Variants in NEK1 observed in about 807,000 individuals in gnomAD.
NEK1 encodes serine/threonine-protein kinase Nek1.
NEK1 carries 137 observed loss-of-function variants against 182.1 expected under a neutral mutation model. The observed-to-expected ratio is 0.75, with a 90% CI of 0.65 to 0.87. The LOEUF is 0.87. Ranked by LOEUF, NEK1 falls within the 40% of genes least tolerant of loss-of-function variation. NEK1 has a pLI of 0.00. For synonymous variants in NEK1, 513 were observed against 492.2 expected, an observed-to-expected ratio of 1.04 and a Z score of -0.56; for missense variants, 1,391 against 1,494.4, an observed-to-expected ratio of 0.93 and a Z score of 1.14.
rs1733696411 is a variant in NEK1 at position 169,393,274 on chromosome 4, T to C, written c.*1236A>G. 6.6e-6 allele frequency: 1 copy of C among 152,058 alleles called. No homozygotes were observed. The highest frequency in any genetic ancestry group is 2.1e-4 in the South Asian group (1 of 4,816). The allele number at this position is 152,058 out of a possible 1,614,324, so 9.4% of individuals were successfully genotyped here. Reference sequence around the variant, plus strand: ...ATAAATAAAAGACAATTGATATACTTCAGGTAGATAATAAAAATTTAATAG... The same window carrying C: ...ATAAATAAAAGACAATTGATATACTCCAGGTAGATAATAAAAATTTAATAG... On this transcript the variant is annotated 3_prime_UTR_variant, in exon 36 of 36. Coordinates refer to ENST00000507142, the MANE Select transcript of NEK1 (RefSeq NM_001199397.3).
intron 18 of NEK1, among the ~76,000 whole-genome samples, chr4:169,549,021 A>G (rs1760995696): frequency 6.6e-6 from 1 of 152,148 alleles, no homozygotes; most frequent in Non-Finnish European, 1.5e-5. Flanking sequence ...GGGTATGAAA[A>G]AAAACTCCTT....
intron 23 of NEK1, among the ~76,000 whole-genome samples, chr4:169,496,934 GGATT>G (rs1215068094): frequency 6.6e-6 from 1 of 152,180 alleles, no homozygotes; most frequent in African/African-American, 2.4e-5. Context: ...GCGTTAGGGA[GGATT>G]CCCTCTTTTT....
chr4:169,449,490 T>C (rs150813435), intron 27 of NEK1, among the ~76,000 whole-genome samples: 1,721 of 152,288 alleles, frequency 0.011, 35 homozygotes, highest in African/African-American at 0.038. Flanking sequence ...TTTGCTGTTC[T>C]TCAATATTTG....
At chr4:169,416,410 C>T (rs1370824338) in intron 31 of NEK1, among the ~76,000 whole-genome samples, 1 of 152,198 alleles carries the variant, frequency 6.6e-6, no homozygotes, top group Non-Finnish European at 1.5e-5. Context: ...ATAAGATTTA[C>T]AACAGCATCC....
At chr4:169,497,483 T>C (rs1228781928) in intron 23 of NEK1, among the ~76,000 whole-genome samples, 2 of 152,200 alleles carry the variant, frequency 1.3e-5, no homozygotes, top group African/African-American at 4.8e-5. Flanking sequence ...TCTAGTTCTT[T>C]TAATTGTGAT....
chr4:169,556,596 A>C (rs1490196833), intron 16 of NEK1, among the ~76,000 whole-genome samples: 1 of 152,210 alleles, frequency 6.6e-6, no homozygotes, highest in Non-Finnish European at 1.5e-5. Flanking sequence ...TATATAAAAG[A>C]GGCAAAAAGT....
rs377060921 is a variant in NEK1, at chr4:169,437,717, C to A, written c.2764+366G>T. Among the ~76,000 whole-genome samples, 12 of 152,296 alleles carry A rather than the reference C, an allele frequency of 7.9e-5. 1 individual carries two copies. Among genetic ancestry groups the A allele is most frequent in the African/African-American group, 2.9e-4 (12 of 41,572 alleles). On this transcript the variant is annotated intron_variant, in intron 28 of 35. Transcript: ENST00000507142. The stretch of plus-strand genomic sequence containing the variant: ...GGGAGAGGGGCCCAGCTAAGCTGTA[C>A]TTGCCAAGATAGCAGTGAAGCTTTT...
chr4:169,562,520 T>A (rs887854254), intron 12 of NEK1, among the ~76,000 whole-genome samples: 8 of 151,986 alleles, frequency 5.3e-5, no homozygotes, highest in South Asian at 2.1e-4. Flanking sequence ...ATAATTTTTT[T>A]AAAAAAATTA....
chr4:169,485,235 C>T (rs1350348651), intron 23 of NEK1, among the ~76,000 whole-genome samples: 3 of 152,142 alleles, frequency 2.0e-5, no homozygotes, highest in African/African-American at 7.2e-5. Flanking sequence ...AGAACCTAAA[C>T]AGACAAATTC....
chr4:169,470,485 T>A (rs527793336), intron 26 of NEK1, among the ~76,000 whole-genome samples: 13 of 152,354 alleles, frequency 8.5e-5, no homozygotes, highest in Non-Finnish European at 1.8e-4. Context: ...TGCAGAGAGA[T>A]CTGCTGTTAG....
chr4:169,522,732 G>T (rs1269196295), intron 19 of NEK1, among the ~76,000 whole-genome samples: 1 of 152,210 alleles, frequency 6.6e-6, no homozygotes, highest in Non-Finnish European at 1.5e-5. Context: ...GAGTGGGGCA[G>T]GGATAGCCTG....
intron 5 of NEK1, among the ~76,000 whole-genome samples, chr4:169,592,114 AAAG>A (rs1217192840): frequency 6.6e-6 from 1 of 152,166 alleles, no homozygotes; most frequent in Non-Finnish European, 1.5e-5. Context: ...AATGTTGGGA[AAAG>A]AAGCCTTTTT....
chr4:169,463,245 C>T lies in NEK1; in HGVS notation c.2585G>A (p.Ser862Asn), dbSNP rs1239936910. The change falls in exon 27 of 36, where the codon AGT becomes AAT. Residue 862 changes from serine to asparagine, a missense_variant and splice_region_variant. Around this residue, in one of 5 missense-constraint regions of NEK1, gnomAD observed 1,216 missense variants for 1,277.6 expected, o/e 0.95. Coordinates refer to ENST00000507142, the MANE Select transcript of NEK1 (RefSeq NM_001199397.3). ...TELLENTTIR[S>N]EISPEGEKYK... Reference sequence around the variant, plus strand: ...AAAAACTACCAGTTTCTCCTTACCACTTCTAATAGTTGTATTTTCTAATAG... The same window carrying T: ...AAAAACTACCAGTTTCTCCTTACCATTTCTAATAGTTGTATTTTCTAATAG... 1 of 1,540,876 alleles carries T rather than the reference C, an allele frequency of 6.5e-7. No homozygotes were observed. The highest frequency in any genetic ancestry group is 1.4e-5 in the African/African-American group (1 of 72,538).
At chr4:169,449,174 C>T (rs1285084181) in intron 27 of NEK1, among the ~76,000 whole-genome samples, 1 of 151,432 alleles carries the variant, frequency 6.6e-6, no homozygotes, top group African/African-American at 2.5e-5. Context: ...GGGCGGAGCC[C>T]ACCGCAGCTC....
At chr4:169,403,050 C>T (rs1350389999) in intron 32 of NEK1, among the ~76,000 whole-genome samples, 1 of 152,090 alleles carries the variant, frequency 6.6e-6, no homozygotes, top group East Asian at 1.9e-4. Context: ...TACTGAAGAA[C>T]TAAAATATAA....
intron 31 of NEK1, among the ~76,000 whole-genome samples, chr4:169,410,952 T>C (rs1323959605): frequency 1.3e-5 from 2 of 152,240 alleles, no homozygotes; most frequent in African/African-American, 4.8e-5. Context: ...GTAAAGTGTG[T>C]GTCCTTCCTG....
At chr4:169,473,540 G>T (rs1277960265) in intron 26 of NEK1, among the ~76,000 whole-genome samples, 1 of 151,992 alleles carries the variant, frequency 6.6e-6, no homozygotes, top group Non-Finnish European at 1.5e-5. Flanking sequence ...AAATAAAATA[G>T]ATTTAAATAA....
intron 18 of NEK1, among the ~76,000 whole-genome samples, chr4:169,538,287 G>A (rs559218003): frequency 2.6e-5 from 4 of 151,972 alleles, no homozygotes; most frequent in South Asian, 2.1e-4. Flanking sequence ...TCTTAGCAGC[G>A]AAGTCAAATA....
intron 27 of NEK1, among the ~76,000 whole-genome samples, chr4:169,455,239 A>G (rs1362214671): frequency 1.3e-5 from 2 of 152,136 alleles, no homozygotes; most frequent in East Asian, 3.9e-4. Context: ...TGATGAGTTG[A>G]TTGGTGCAGC....
Sources: gnomAD v4.1 joint callset for allele counts (sites outside exome capture counted in the v4.1 genomes callset) on GRCh38, gnomAD v4.1.1 for gene constraint, gnomAD v4.1.1 regional missense constraint, MANE v1.5 for transcripts, NCBI Gene and HGNC (gene_info 2026-07-23, HGNC 2026-07-21) for gene names.